Variants in DLG1 observed in about 807,000 individuals in gnomAD.
DLG1 encodes the protein disks large homolog 1.
A neutral mutation model predicts 123.4 loss-of-function variants in DLG1; 42 were observed. The observed-to-expected ratio is 0.34, with a 90% CI of 0.27 to 0.44. DLG1 has a LOEUF of 0.44. DLG1 is among the 20% of genes least tolerant of loss of function. DLG1 has a pLI of 1.00. For missense variants in DLG1, 942 were observed against 1,082.6 expected (o/e 0.87, Z 1.82); for synonymous variants, 317 against 356.2 (o/e 0.89, Z 1.24).
chr3:197,105,438 T>G (rs573749223), intron 13 of DLG1, among the ~76,000 whole-genome samples: 2 of 152,366 alleles, frequency 1.3e-5, no homozygotes, highest in African/African-American at 4.8e-5. Flanking sequence ...TCAGTTCCAA[T>G]TATTTTTCTT....
intron 11 of DLG1, among the ~76,000 whole-genome samples, chr3:197,128,840 T>A (rs1781090345): frequency 6.6e-6 from 1 of 152,154 alleles, no homozygotes; most frequent in African/African-American, 2.4e-5. Context: ...AAGGAGTGTT[T>A]TTTTTTTGTT....
chr3:197,198,127 A>G (rs1723522297), intron 4 of DLG1, among the ~76,000 whole-genome samples: 1 of 96,524 alleles, frequency 1.0e-5, no homozygotes, highest in Non-Finnish European at 2.3e-5. Context: ...ACTCATCAAA[A>G]CAAAACAAAA....
In DLG1 at chr3:197,043,807, A is replaced by AC. The variant is rs1049408977; in HGVS notation, c.*815dup. 2 of 152,126 alleles carry AC rather than the reference A, an allele frequency of 1.3e-5. No homozygotes were observed. Among genetic ancestry groups the AC allele is most frequent in the African/African-American group, 4.8e-5 (2 of 41,446 alleles). 9.4% of individuals were successfully genotyped at this position (152,126 alleles called of 1,614,324 possible). A position where few individuals can be genotyped will look rare whatever the true frequency, so the allele number is the denominator to read the frequency against. On this transcript the variant is annotated 3_prime_UTR_variant, in exon 25 of 25. Coordinates refer to ENST00000667157, the MANE Select transcript of DLG1 (RefSeq NM_001366207.1). ...TGATGGTTACTACGTCACCACTGTA[A>AC]CGTCTGATTTATCTGTATTTATATC...
intron 8 of DLG1, 132 bp downstream of exon 8, chr3:197,140,008 T>C: frequency 1.1e-6 from 1 of 921,818 alleles, no homozygotes; most frequent in Non-Finnish European, 1.6e-6. Context: ...TTGACTTGAA[T>C]GTTGTTAAAG....
chr3:197,239,843 T>TAAA lies in DLG1; in HGVS notation c.318+42833_318+42835dup, dbSNP rs3035903. On this transcript the variant is annotated intron_variant, in intron 4 of 24. Coordinates refer to ENST00000667157, the MANE Select transcript of DLG1 (RefSeq NM_001366207.1). ...GACAGTTCAGGGGCCACAGAAAAGT[T>TAAA]AAAAAAAAAAAAAAGAATTCTAGCA... Among the ~76,000 whole-genome samples the TAAA allele has an allele frequency of 9.3e-4, 124 of 133,968 alleles. 4 individuals carry two copies. The highest frequency in any genetic ancestry group is 7.8e-3 in the Middle Eastern group (2 of 256). The allele number at this position is 133,968 out of a possible 152,430, so 87.9% of individuals were successfully genotyped here. A position where few individuals can be genotyped will look rare whatever the true frequency, so the allele number is the denominator to read the frequency against.
intron 14 of DLG1, among the ~76,000 whole-genome samples, chr3:197,101,002 G>A (rs1199503500): frequency 1.3e-5 from 2 of 151,942 alleles, no homozygotes; most frequent in Non-Finnish European, 2.9e-5. Context: ...TACTAGATTA[G>A]GTGTACAAGC....
In DLG1 at chr3:197,059,748, TCA is replaced by T. The variant is rs1360565855; in HGVS notation, c.2483+139_2483+140del. The T allele has an allele frequency of 2.6e-5, 13 of 502,756 alleles. No homozygotes were observed. The South Asian group carries it at 4.1e-4, about 16-fold the overall frequency. The allele number at this position is 502,756 out of a possible 1,614,324, so 31.1% of individuals were successfully genotyped here. A position where few individuals can be genotyped will look rare whatever the true frequency, so the allele number is the denominator to read the frequency against. On this transcript the variant is annotated intron_variant, in intron 23 of 24. Transcript: ENST00000667157. ...ATAACCCATAGTGCTTATTTAATCC[TCA>T]CCACATAATCTGAGGTGAATAAACA... is the stretch of plus-strand genomic sequence containing the variant.
intron 4 of DLG1, among the ~76,000 whole-genome samples, chr3:197,240,603 T>G (rs1006447990): frequency 1.3e-5 from 2 of 152,134 alleles, no homozygotes; most frequent in Non-Finnish European, 2.9e-5. Flanking sequence ...GTAGTATTTT[T>G]AAGAAAACTC....
intron 14 of DLG1, among the ~76,000 whole-genome samples, chr3:197,093,563 C>T (rs1246950063): frequency 6.8e-6 from 1 of 146,402 alleles, no homozygotes; most frequent in Non-Finnish European, 1.5e-5. Context: ...GTCATCCACG[C>T]TTTTTTTTTT....
At position 197,281,986 on chromosome 3, in the gene DLG1, T is replaced by C. The variant is rs1334271660; in HGVS notation, c.318+693A>G. Among the ~76,000 whole-genome samples, 4 of 151,982 alleles carry C rather than the reference T, an allele frequency of 2.6e-5. No individual in the cohort carries two copies. The East Asian group carries it at 5.8e-4, about 22-fold the overall frequency. Reference sequence around the variant, plus strand: ...ATCGCATTTTCCAGGCACAGCACCATCTTACACTAACTAGAAAGGACTAGA... The same window carrying C: ...ATCGCATTTTCCAGGCACAGCACCACCTTACACTAACTAGAAAGGACTAGA... On this transcript the variant is annotated intron_variant, in intron 4 of 24. Transcript: ENST00000667157.
At chr3:197,281,061 G>C (rs9866076) in intron 4 of DLG1, among the ~76,000 whole-genome samples, 1 of 146,012 alleles carries the variant, frequency 6.8e-6, no homozygotes, top group Admixed American at 6.8e-5. Context: ...CTCGCTTATC[G>C]CCAGTCTCGC....
chr3:197,060,062 A>G, intron 22 of DLG1, 64 bp from the exon 23 acceptor site: 1 of 1,165,412 alleles, frequency 8.6e-7, no homozygotes, highest in Non-Finnish European at 1.3e-6. Flanking sequence ...TATCAAAGGT[A>G]CTTTTCCTAC....
chr3:197,202,046 G>A (rs905244068), intron 4 of DLG1, among the ~76,000 whole-genome samples: 4 of 152,080 alleles, frequency 2.6e-5, no homozygotes, highest in African/African-American at 4.8e-5. Context: ...TGGGTACCAC[G>A]TGCATTGCTT....
At chr3:197,251,545 T>A (rs1170091045) in intron 4 of DLG1, among the ~76,000 whole-genome samples, 5 of 152,058 alleles carry the variant, frequency 3.3e-5, no homozygotes, top group Non-Finnish European at 5.9e-5. Context: ...GAAAGGACAG[T>A]CTCTTTAATA....
intron 14 of DLG1, among the ~76,000 whole-genome samples, chr3:197,092,206 C>T (rs1468128957): frequency 4.6e-5 from 7 of 152,226 alleles, no homozygotes; most frequent in African/African-American, 1.7e-4. Flanking sequence ...AAAAATATAT[C>T]ATGAGTTTAT....
At chr3:197,249,215 A>C (rs1198836218) in intron 4 of DLG1, among the ~76,000 whole-genome samples, 2 of 152,136 alleles carry the variant, frequency 1.3e-5, no homozygotes, top group African/African-American at 2.4e-5. Flanking sequence ...GAAATGAAAA[A>C]GAAAACATAA....
At position 197,116,001 on chromosome 3, in the gene DLG1, A is replaced by G; in HGVS notation, c.1369T>C (p.Phe457Leu). The G allele has an allele frequency of 6.2e-7, 1 of 1,613,282 alleles. No individual in the cohort carries two copies. The highest frequency in any genetic ancestry group is 8.5e-7 in the Non-Finnish European group (1 of 1,179,574). The change falls in exon 13 of 25, where the codon TTT becomes CTT. Residue 457 changes from phenylalanine to leucine, a missense_variant. By Grantham distance (22) the Phe-to-Leu change is conservative (BLOSUM62 0). Transcript: ENST00000667157. ...CCTCCGGCTAAGATAAAGGAAATAA[A>G]TATTCCTTCTCCATCTTCTCCTCCT... is the stretch of plus-strand genomic sequence containing the variant. ...IVGGEDGEGI[F>L]ISFILAGGPA...
intron 23 of DLG1, 122 bp from the exon 24 acceptor site, chr3:197,051,790 T>C (rs1727914756): frequency 4.4e-6 from 3 of 685,776 alleles, no homozygotes; most frequent in African/African-American, 3.7e-5. Flanking sequence ...GCTGAAAATA[T>C]GAATGTCATT....
At chr3:197,246,124 C>A (rs111272041) in intron 4 of DLG1, among the ~76,000 whole-genome samples, 5 of 152,098 alleles carry the variant, frequency 3.3e-5, no homozygotes, top group Non-Finnish European at 7.4e-5. Flanking sequence ...CATGTTTGAG[C>A]GGACCGATTA....
Sources: allele counts gnomAD v4.1 joint callset (sites outside exome capture counted in the v4.1 genomes callset), GRCh38; gene constraint gnomAD v4.1.1; transcripts MANE v1.5; gene names NCBI Gene and HGNC (gene_info 2026-07-23, HGNC 2026-07-21).